Variants in PDGFD observed in about 807,000 individuals in gnomAD.
PDGFD encodes platelet derived growth factor D, also known as platelet-derived growth factor D.
In PDGFD, 30 loss-of-function variants were observed where a neutral mutation model predicts 44.7. The observed-to-expected ratio is 0.67, with a 90% confidence interval of 0.50 to 0.91. The LOEUF is 0.91. Among genes scored for constraint, PDGFD ranks in the 40% least tolerant of loss-of-function variants. The pLI is 0.00. For missense variants in PDGFD, 445 were observed against 457.8 expected (o/e 0.97, Z 0.25); for synonymous variants, 173 against 168.4 (o/e 1.03, Z -0.21).
At chr11:104,146,037 G>C (rs1862157241) in intron 1 of PDGFD, among the ~76,000 whole-genome samples, 1 of 152,148 alleles carries the variant, frequency 6.6e-6, no homozygotes, top group Non-Finnish European at 1.5e-5. Flanking sequence ...GAGAAATAAA[G>C]TCTGTTATTT....
intron 1 of PDGFD, among the ~76,000 whole-genome samples, chr11:104,140,715 T>A (rs927652524): frequency 1.3e-5 from 2 of 152,176 alleles, no homozygotes; most frequent in Non-Finnish European, 2.9e-5. Context: ...TCCTGGCAAC[T>A]GAAGCAACAT....
intron 1 of PDGFD, among the ~76,000 whole-genome samples, chr11:104,039,346 C>T (rs1448527988): frequency 6.6e-6 from 1 of 151,924 alleles, no homozygotes; most frequent in Non-Finnish European, 1.5e-5. Context: ...TCTGGGATAT[C>T]CTTTAAGTTA....
chr11:104,124,684 G>A (rs577181995), intron 1 of PDGFD, among the ~76,000 whole-genome samples: 1 of 152,156 alleles, frequency 6.6e-6, no homozygotes, highest in African/African-American at 2.4e-5. Flanking sequence ...AATTTAATGA[G>A]CTTTTTAAAA....
chr11:103,972,431 C>A (rs1859118051), intron 3 of PDGFD, among the ~76,000 whole-genome samples: 1 of 152,134 alleles, frequency 6.6e-6, no homozygotes, highest in Non-Finnish European at 1.5e-5. Flanking sequence ...GTCTCATTCT[C>A]CTTTTTATTC....
At chr11:104,093,957 A>C (rs909513116) in intron 1 of PDGFD, among the ~76,000 whole-genome samples, 4 of 151,272 alleles carry the variant, frequency 2.6e-5, no homozygotes, top group Non-Finnish European at 5.9e-5. Context: ...TTTCAGAGAA[A>C]AAAGTCTTTA....
chr11:104,082,709 G>T (rs1861062684), intron 1 of PDGFD, among the ~76,000 whole-genome samples: 1 of 152,074 alleles, frequency 6.6e-6, no homozygotes, highest in Non-Finnish European at 1.5e-5. Flanking sequence ...ATAACTCACT[G>T]CAGCCTTGAA....
intron 1 of PDGFD, among the ~76,000 whole-genome samples, chr11:104,072,592 C>A (rs1860897321): frequency 6.6e-6 from 1 of 151,802 alleles, no homozygotes; most frequent in Non-Finnish European, 1.5e-5. Context: ...TTAAAGGAAA[C>A]CTCTAGTACA....
rs535169218 is a variant in PDGFD, at chr11:104,163,764, T to C, written c.124+40A>G. On this transcript the variant is annotated intron_variant, in intron 1 of 6. Coordinates refer to ENST00000393158, the MANE Select transcript of PDGFD (RefSeq NM_025208.5). ...GAAAGAACAATAACAATAGCAAACATGATTTTTTTTTCAGTTAAAAAATAA... is the reference window on the plus strand; with the variant it reads ...GAAAGAACAATAACAATAGCAAACACGATTTTTTTTTCAGTTAAAAAATAA... 7.3e-6 allele frequency: 11 copies of C among 1,501,094 alleles called. 1 individual carries two copies. In the South Asian group the frequency reaches 1.1e-4, roughly 15 times the overall value. 93.0% of individuals were successfully genotyped at this position (1,501,094 alleles called of 1,614,324 possible).
intron 1 of PDGFD, among the ~76,000 whole-genome samples, chr11:104,073,239 TAAAC>T (rs886821248): frequency 7.9e-5 from 12 of 152,144 alleles, no homozygotes; most frequent in African/African-American, 2.9e-4. Flanking sequence ...TATTGCAGCT[TAAAC>T]AAACAATGCA....
At chr11:104,103,085 A>G (rs983014698) in intron 1 of PDGFD, among the ~76,000 whole-genome samples, 2 of 152,120 alleles carry the variant, frequency 1.3e-5, no homozygotes, top group Non-Finnish European at 2.9e-5. Context: ...TCAAATCCCT[A>G]TTCCCCCATA....
intron 1 of PDGFD, among the ~76,000 whole-genome samples, chr11:104,157,962 C>A (rs1356914558): frequency 6.6e-6 from 1 of 152,150 alleles, no homozygotes; most frequent in Non-Finnish European, 1.5e-5. Flanking sequence ...AAATGACACT[C>A]TTTTTAAAGA....
At chr11:103,975,534 G>T (rs1781161189) in intron 3 of PDGFD, among the ~76,000 whole-genome samples, 1 of 152,104 alleles carries the variant, frequency 6.6e-6, no homozygotes, top group African/African-American at 2.4e-5. Context: ...TGTTGCCATT[G>T]CTTTTGGTGT....
intron 1 of PDGFD, among the ~76,000 whole-genome samples, chr11:104,119,098 T>TA (rs1861701822): frequency 1.9e-5 from 1 of 53,750 alleles, no homozygotes. Flanking sequence ...ATTGATATAA[T>TA]ATATAATATA....
At position 104,139,450 on chromosome 11, in the gene PDGFD, C is replaced by T. The variant is rs543035697; in HGVS notation, c.124+24354G>A. On this transcript the variant is annotated intron_variant, in intron 1 of 6. Transcript: ENST00000393158. ...CAGTACAAATTAACTATCTGATAAACGGTGAAAGAACAGGCTTACATGGAT... is the reference window on the plus strand; with the variant it reads ...CAGTACAAATTAACTATCTGATAAATGGTGAAAGAACAGGCTTACATGGAT... 5.3e-5 allele frequency among the ~76,000 whole-genome samples: 8 copies of T among 152,208 alleles called. No individual in the cohort carries two copies. In the South Asian group the frequency reaches 6.2e-4, roughly 12 times the overall value.
At chr11:104,085,978 G>T (rs887493097) in intron 1 of PDGFD, among the ~76,000 whole-genome samples, 1 of 152,150 alleles carries the variant, frequency 6.6e-6, no homozygotes, top group Non-Finnish European at 1.5e-5. Flanking sequence ...CGATAAAGAG[G>T]TTGGATTTTA....
chr11:103,914,949 A>T (rs1254864070), intron 6 of PDGFD, among the ~76,000 whole-genome samples: 1 of 152,226 alleles, frequency 6.6e-6, no homozygotes, highest in African/African-American at 2.4e-5. Flanking sequence ...AATGTATCTC[A>T]AAATAATAAG....
At chr11:103,927,271 G>C (rs1296122366) in intron 5 of PDGFD, 145 bp from the exon 6 acceptor site, 4 of 681,144 alleles carry the variant, frequency 5.9e-6, no homozygotes, top group East Asian at 5.5e-5. Context: ...TCAATTACTG[G>C]GAACCTAAAG....
rs181574084 is a variant in PDGFD, at chr11:104,004,857, A to C, written c.125-4602T>G. ...TATATATTTATAACGACTTTGAGAT[A>C]GGTATTATTACCACCTTTTTTTTTT... On this transcript the variant is annotated intron_variant, in intron 1 of 6. Coordinates refer to ENST00000393158, the MANE Select transcript of PDGFD (RefSeq NM_025208.5). Among the ~76,000 whole-genome samples the C allele has an allele frequency of 3.1e-3, 431 of 137,506 alleles. 3 individuals are homozygous for C. The highest frequency in any genetic ancestry group is 6.3e-3 in the Admixed American group (84 of 13,422). 90.2% of individuals were successfully genotyped at this position (137,506 alleles called of 152,430 possible).
At chr11:104,084,810 T>G (rs1157128292) in intron 1 of PDGFD, among the ~76,000 whole-genome samples, 1 of 145,000 alleles carries the variant, frequency 6.9e-6, no homozygotes, top group African/African-American at 2.5e-5. Flanking sequence ...ATTTTATAAG[T>G]ATTATAAAAT....
Sources: allele counts gnomAD v4.1 joint callset (sites outside exome capture counted in the v4.1 genomes callset), GRCh38; gene constraint gnomAD v4.1.1; transcripts MANE v1.5; gene names NCBI Gene and HGNC (gene_info 2026-07-23, HGNC 2026-07-21).